The following SUDS3 variants were observed in gnomAD, a reference collection of about 807,000 sequenced individuals.
The protein encoded by SUDS3 is sin3 histone deacetylase corepressor complex component SDS3.
In SUDS3, 23 loss-of-function variants were observed where a neutral mutation model predicts 53.5. That is an observed-to-expected ratio of 0.43 (90% CI 0.31 to 0.61). The LOEUF (loss-of-function observed/expected upper bound fraction) is 0.61, where lower values mean the gene tolerates loss of function less well. Ranked by LOEUF, SUDS3 falls within the 20% of genes least tolerant of loss-of-function variation. The pLI, the probability that SUDS3 is intolerant of heterozygous loss-of-function variation, is 0.10. For synonymous variants in SUDS3, 150 were observed against 148.5 expected (o/e 1.01, Z -0.08); for missense variants, 291 against 405.9 (o/e 0.72, Z 2.43).
chr12:118,409,453 T>C (rs565584999), intron 10 of SUDS3, among the ~76,000 whole-genome samples: 79 of 152,346 alleles, frequency 5.2e-4, no homozygotes, highest in Admixed American at 1.9e-3. Flanking sequence ...CCTAAAATTC[T>C]GTTTCTTTTA....
At chr12:118,392,869 G>T (rs942426697) in intron 6 of SUDS3, among the ~76,000 whole-genome samples, 4 of 152,246 alleles carry the variant, frequency 2.6e-5, no homozygotes, top group Admixed American at 2.6e-4. Context: ...ACAAGCGATA[G>T]ACATTGTTTG....
At chr12:118,410,806 C>T (rs987308689) in intron 10 of SUDS3, among the ~76,000 whole-genome samples, 1 of 151,878 alleles carries the variant, frequency 6.6e-6, no homozygotes, top group African/African-American at 2.4e-5. Context: ...ACCGTGTTAG[C>T]CAGGATGGTC....
chr12:118,381,358 C>G (rs939495737), intron 2 of SUDS3, among the ~76,000 whole-genome samples: 6 of 151,722 alleles, frequency 4.0e-5, no homozygotes, highest in Non-Finnish European at 7.4e-5. Flanking sequence ...ACATGCACCA[C>G]CATGCCCGGC....
intron 2 of SUDS3, among the ~76,000 whole-genome samples, chr12:118,382,709 C>A (rs372864034): frequency 2.0e-5 from 3 of 151,018 alleles, no homozygotes; most frequent in African/African-American, 7.3e-5. Context: ...GCTCTGTCGC[C>A]CAGGCTGGAG....
At chr12:118,406,165 A>G (rs1002418533) in intron 10 of SUDS3, among the ~76,000 whole-genome samples, 2 of 152,240 alleles carry the variant, frequency 1.3e-5, no homozygotes, top group Non-Finnish European at 2.9e-5. Context: ...AGTAGCTGAT[A>G]TTTGAAAATA....
intron 10 of SUDS3, among the ~76,000 whole-genome samples, chr12:118,409,586 A>T (rs1211099766): frequency 6.6e-6 from 1 of 152,248 alleles, no homozygotes; most frequent in East Asian, 1.9e-4. Flanking sequence ...TGCATCCTTT[A>T]CTTGCCATGT....
intron 5 of SUDS3, 49 bp from the exon 6 acceptor site, chr12:118,391,077 C>T: frequency 2.5e-6 from 4 of 1,606,602 alleles, no homozygotes; most frequent in Non-Finnish European, 3.4e-6. Flanking sequence ...AGTTGGAGCC[C>T]TGGCTCCCAG....
rs1303231194 is a variant in SUDS3 at position 118,416,037 on chromosome 12, G to A, written c.*1604G>A. The A allele has an allele frequency of 2.0e-5, 3 of 150,400 alleles. No homozygotes were observed. Among genetic ancestry groups the A allele is most frequent in the African/African-American group, 7.4e-5 (3 of 40,794 alleles). 9.3% of individuals were successfully genotyped at this position (150,400 alleles called of 1,614,324 possible). On this transcript the variant is annotated 3_prime_UTR_variant, in exon 12 of 12. Transcript: ENST00000543473. ...ATTTCTTCTCTGCCCTCCAATCCCC[G>A]ACTGCTATGATGTTTACTACAGTGA...
At chr12:118,377,476 T>C (rs1353223172) in intron 1 of SUDS3, among the ~76,000 whole-genome samples, 2 of 152,068 alleles carry the variant, frequency 1.3e-5, no homozygotes, top group Non-Finnish European at 2.9e-5. Flanking sequence ...CATAAAGTAC[T>C]TGGCCTGGTA....
rs989978731 is a variant in SUDS3 at position 118,415,502 on chromosome 12, C to A, written c.*1069C>A. 2.0e-5 allele frequency: 3 copies of A among 152,150 alleles called. No homozygotes were observed. The highest frequency in any genetic ancestry group is 7.2e-5 in the African/African-American group (3 of 41,424). The allele number at this position is 152,150 out of a possible 1,614,324, so 9.4% of individuals were successfully genotyped here. Reference sequence around the variant, plus strand: ...TCTGCTGTGGCTGCCTCTGGACTGACACCCTCCCTAATGAGTCCTGATGAA... The same window carrying A: ...TCTGCTGTGGCTGCCTCTGGACTGAAACCCTCCCTAATGAGTCCTGATGAA... On this transcript the variant is annotated 3_prime_UTR_variant, in exon 12 of 12. Transcript: ENST00000543473.
At chr12:118,389,316 C>T (rs2046143919) in intron 4 of SUDS3, among the ~76,000 whole-genome samples, 1 of 152,112 alleles carries the variant, frequency 6.6e-6, no homozygotes, top group Non-Finnish European at 1.5e-5. Context: ...GAGACCACTG[C>T]TTTAAAACAT....
intron 10 of SUDS3, among the ~76,000 whole-genome samples, chr12:118,408,680 A>G (rs1302804286): frequency 6.6e-6 from 1 of 151,378 alleles, no homozygotes; most frequent in Non-Finnish European, 1.5e-5. Flanking sequence ...TAGTTGACAT[A>G]GTTTTTTTTG....
intron 6 of SUDS3, among the ~76,000 whole-genome samples, chr12:118,395,626 G>A (rs997596183): frequency 2.0e-5 from 3 of 152,118 alleles, no homozygotes; most frequent in Admixed American, 2.0e-4. Flanking sequence ...TGGCTTTAAA[G>A]AGATTGGTCC....
rs141278280 is a variant in SUDS3, at chr12:118,389,097, C to T, written c.341-830C>T. Among the ~76,000 whole-genome samples the T allele has an allele frequency of 1.3e-3, 197 of 152,126 alleles. 3 individuals are homozygous for T. Among genetic ancestry groups the T allele is most frequent in the Non-Finnish European group, 2.8e-4 (19 of 67,994 alleles). On this transcript the variant is annotated intron_variant, in intron 4 of 11. Transcript: ENST00000543473. ...CCAGGAGGTGGAAGTTGCTGTGAGT[C>T]GAGATCATGCCACTGCACTCCAGTC...
chr12:118,389,229 C>T (rs557591671), intron 4 of SUDS3, among the ~76,000 whole-genome samples: 405 of 152,226 alleles, frequency 2.7e-3, no homozygotes, highest in Non-Finnish European at 3.9e-3. Flanking sequence ...CCCCACCTGC[C>T]GCCTGCCCCC....
chr12:118,389,812 T>C, intron 4 of SUDS3, 115 bp from the exon 5 acceptor site: 1 of 1,261,720 alleles, frequency 7.9e-7, no homozygotes, highest in Non-Finnish European at 1.1e-6. Context: ...ATGAAAACAT[T>C]TGCTTTGTAA....
chr12:118,393,968 G>A (rs747358369), intron 6 of SUDS3, among the ~76,000 whole-genome samples: 1 of 152,106 alleles, frequency 6.6e-6, no homozygotes, highest in Admixed American at 6.5e-5. Flanking sequence ...ACCGTGCCCC[G>A]GCTGAGATCC....
At chr12:118,407,489 C>G (rs186284995) in intron 10 of SUDS3, among the ~76,000 whole-genome samples, 1 of 152,286 alleles carries the variant, frequency 6.6e-6, no homozygotes, top group East Asian at 1.9e-4. Context: ...TTCCCAAGTT[C>G]CAGACCACTT....
Position 118,376,739 on chromosome 12 carries a change from G to A in SUDS3, c.48G>A (p.Ala16=). 1 of 1,535,770 alleles carries A rather than the reference G, an allele frequency of 6.5e-7. No homozygotes were observed. Among genetic ancestry groups the A allele is most frequent in the Non-Finnish European group, 8.7e-7 (1 of 1,146,440 alleles). Residue 16 remains alanine, a synonymous_variant, in exon 1 of 12, where the codon GCG becomes GCA. Coordinates refer to ENST00000543473, the MANE Select transcript of SUDS3 (RefSeq NM_022491.3). ...LLAPAPAQAG[A]PPAPEYYPEE... is the part of the protein sequence containing the mutation. ...CCCCGGCCCCGGCCCAGGCTGGAGC[G>A]CCGCCGGCCCCCGAGTACTACCCCG...
Sources: gnomAD v4.1 joint callset for allele counts (sites outside exome capture counted in the v4.1 genomes callset) on GRCh38, gnomAD v4.1.1 for gene constraint, MANE v1.5 for transcripts, NCBI Gene and HGNC (gene_info 2026-07-23, HGNC 2026-07-21) for gene names.